The following ERGIC1 variants were observed in gnomAD, a reference collection of about 807,000 sequenced individuals.
The protein encoded by ERGIC1 is endoplasmic reticulum-Golgi intermediate compartment protein 1.
In ERGIC1, 19 loss-of-function variants were observed where a neutral mutation model predicts 38.3. The ratio of observed to expected loss-of-function variants is 0.50; its 90% confidence interval spans 0.35 to 0.73. ERGIC1 has a LOEUF of 0.73. Among genes scored for constraint, ERGIC1 ranks in the 30% least tolerant of loss-of-function variants. The probability of loss-of-function intolerance (pLI) is 0.01; values close to 1 mark genes in which losing one functional copy is unlikely to be tolerated. For synonymous variants in ERGIC1, 124 were observed against 157.6 expected (o/e 0.79, Z 1.60); for missense variants, 294 against 389.2 (o/e 0.76, Z 2.06).
chr5:172,910,430 G>A (rs1184166750), intron 4 of ERGIC1, among the ~76,000 whole-genome samples: 4 of 152,160 alleles, frequency 2.6e-5, no homozygotes, highest in African/African-American at 9.7e-5. Flanking sequence ...TGCAGGACAG[G>A]GCTCAAGAGC....
chr5:172,862,515 C>G (rs1379145982), intron 1 of ERGIC1, among the ~76,000 whole-genome samples: 1 of 152,102 alleles, frequency 6.6e-6, no homozygotes, highest in Non-Finnish European at 1.5e-5. Flanking sequence ...TGTAAGATCC[C>G]TTTTCCTTGA....
intron 1 of ERGIC1, among the ~76,000 whole-genome samples, chr5:172,873,096 C>T (rs908265846): frequency 1.3e-5 from 2 of 152,264 alleles, no homozygotes; most frequent in Admixed American, 1.3e-4. Context: ...GCTCCTGCCG[C>T]TCAGCGTTTA....
chr5:172,835,935 G>C (rs1438529051), intron 1 of ERGIC1, among the ~76,000 whole-genome samples: 1 of 152,154 alleles, frequency 6.6e-6, no homozygotes, highest in South Asian at 2.1e-4. Flanking sequence ...AGCTGTGGTC[G>C]GCACATCAAT....
At chr5:172,860,153 AG>A (rs11355370) in intron 1 of ERGIC1, among the ~76,000 whole-genome samples, 91,957 of 152,046 alleles carry the variant, frequency 0.6, 28,789 homozygotes, top group South Asian at 0.72. Context: ...GAGGTGAACA[AG>A]ACATGTCTCC....
intron 1 of ERGIC1, among the ~76,000 whole-genome samples, chr5:172,882,597 A>G (rs1282934704): frequency 6.6e-6 from 1 of 152,202 alleles, no homozygotes; most frequent in African/African-American, 2.4e-5. Context: ...AAAATGAGAT[A>G]TCAGTATTTT....
At chr5:172,944,287 C>T (rs891388656) in intron 9 of ERGIC1, among the ~76,000 whole-genome samples, 27 of 152,066 alleles carry the variant, frequency 1.8e-4, no homozygotes, top group Non-Finnish European at 3.1e-4. Context: ...GATACAAGAG[C>T]GTGGCAGTGG....
chr5:172,847,592 C>T (rs901277741), intron 1 of ERGIC1, among the ~76,000 whole-genome samples: 1 of 152,176 alleles, frequency 6.6e-6, no homozygotes, highest in Non-Finnish European at 1.5e-5. Flanking sequence ...CGGCTCACTG[C>T]AACCTCTGCC....
At chr5:172,853,309 G>A (rs1406844204) in intron 1 of ERGIC1, among the ~76,000 whole-genome samples, 3 of 152,164 alleles carry the variant, frequency 2.0e-5, no homozygotes, top group East Asian at 1.9e-4. Flanking sequence ...GGCCCCCATC[G>A]TGCTGGGTGC....
intron 1 of ERGIC1, among the ~76,000 whole-genome samples, chr5:172,841,643 C>A (rs1761164136): frequency 6.6e-6 from 1 of 152,242 alleles, no homozygotes. Context: ...ATAGCCCCTC[C>A]ATGCATTAGC....
intron 7 of ERGIC1, among the ~76,000 whole-genome samples, chr5:172,930,783 T>C (rs769824914): frequency 1.3e-5 from 2 of 152,208 alleles, no homozygotes; most frequent in Non-Finnish European, 2.9e-5. Context: ...GTTTTAAAAA[T>C]GCAAATTCTG....
intron 3 of ERGIC1, among the ~76,000 whole-genome samples, chr5:172,897,443 A>AAAAAAAAAAAAGAG (rs780361647): frequency 7.0e-6 from 1 of 142,414 alleles, no homozygotes; most frequent in Non-Finnish European, 1.5e-5. Flanking sequence ...AAAAAAAAAA[A>AAAAAAAAAAAAGAG]AGAGAGAGAG....
At position 172,837,457 on chromosome 5, in the gene ERGIC1, A is replaced by G. The variant is rs1447293620; in HGVS notation, c.20+3024A>G. Among the ~76,000 whole-genome samples the G allele has an allele frequency of 2.0e-5, 3 of 152,190 alleles. No homozygotes were observed. The highest frequency in any genetic ancestry group is 1.3e-4 in the Admixed American group (2 of 15,282). On this transcript the variant is annotated intron_variant, in intron 1 of 9. Coordinates refer to ENST00000393784, the MANE Select transcript of ERGIC1 (RefSeq NM_001031711.3). This position sits in a 1 kb window ranked among gnomAD's most constrained non-coding sequence, Gnocchi z 4.3. The stretch of plus-strand genomic sequence containing the variant: ...ATCATGCTGCTTCTCTCTCCCTCCC[A>G]TTAGTACATGAGCTCCTGAGGGCAA...
Position 172,834,586 on chromosome 5 carries a change from C to CCG in ERGIC1, c.20+154_20+155insGC, listed in dbSNP as rs777592794. On this transcript the variant is annotated intron_variant, in intron 1 of 9. Transcript: ENST00000393784. This position sits in a 1 kb window ranked among gnomAD's most constrained non-coding sequence, Gnocchi z 4.1. ...CCCTAGGGACCCCAGGCGAGCCCCCCCCCTGCCGCACACGAAGCCAGCCAG... is the reference window on the plus strand; with the variant it reads ...CCCTAGGGACCCCAGGCGAGCCCCCCCGCCCTGCCGCACACGAAGCCAGCCAG... Among the ~76,000 whole-genome samples, 190 of 133,190 alleles carry CCG rather than the reference C, an allele frequency of 1.4e-3. 3 individuals are homozygous for CCG. The highest frequency in any genetic ancestry group is 2.4e-3 in the Non-Finnish European group (148 of 60,866). 87.4% of individuals were successfully genotyped at this position (133,190 alleles called of 152,430 possible). A position where few individuals can be genotyped will look rare whatever the true frequency, so the allele number is the denominator to read the frequency against.
chr5:172,915,015 G>T (rs1202764081), intron 5 of ERGIC1, 177 bp downstream of exon 5: 5 of 990,272 alleles, frequency 5.0e-6, no homozygotes, highest in Non-Finnish European at 7.9e-6. Context: ...TGGGGGTCCA[G>T]GCTCCCTGGG....
In ERGIC1 at chr5:172,846,707, G is replaced by C. The variant is rs1761289281; in HGVS notation, c.20+12274G>C. On this transcript the variant is annotated intron_variant, in intron 1 of 9. Coordinates refer to ENST00000393784, the MANE Select transcript of ERGIC1 (RefSeq NM_001031711.3). This position sits in a 1 kb window ranked among gnomAD's most constrained non-coding sequence, Gnocchi z 4.0. ...GGCGCAGGAAAGTGTTTTAAGAGGT[G>C]AGCATGAGACTTGACCCAGAGTCTT... Among the ~76,000 whole-genome samples, 2 of 152,316 alleles carry C rather than the reference G, an allele frequency of 1.3e-5. No homozygotes were observed. The highest frequency in any genetic ancestry group is 4.1e-4 in the South Asian group (2 of 4,824).
At chr5:172,914,650 A>C (rs1456884598) in intron 4 of ERGIC1, 64 bp from the exon 5 acceptor site, 2 of 1,613,070 alleles carry the variant, frequency 1.2e-6, no homozygotes, top group Non-Finnish European at 1.7e-6. Context: ...CAGAGAGAAC[A>C]GGCTGGCCCC....
chr5:172,834,541 CTG>C lies in ERGIC1; in HGVS notation c.20+111_20+112del, dbSNP rs1390533581. 2 of 1,100,678 alleles carry C rather than the reference CTG, an allele frequency of 1.8e-6. No individual in the cohort carries two copies. The highest frequency in any genetic ancestry group is 6.8e-5 in the East Asian group (2 of 29,406). 68.2% of individuals were successfully genotyped at this position (1,100,678 alleles called of 1,614,324 possible). On this transcript the variant is annotated intron_variant, in intron 1 of 9. Coordinates refer to ENST00000393784, the MANE Select transcript of ERGIC1 (RefSeq NM_001031711.3). The surrounding 1 kb of genome is among the most constrained non-coding windows in gnomAD (Gnocchi z 4.1). ...CTGCATGCAAAAGCGGCTCCCCGCCCTGTGCATGCCTCCGCAGGCCCCTAGGG... is the reference window on the plus strand; with the variant it reads ...CTGCATGCAAAAGCGGCTCCCCGCCCTGCATGCCTCCGCAGGCCCCTAGGG...
At chr5:172,877,456 ATATT>A (rs1346838365) in intron 1 of ERGIC1, among the ~76,000 whole-genome samples, 101 of 79,764 alleles carry the variant, frequency 1.3e-3, no homozygotes, top group African/African-American at 3.4e-3. Context: ...ATATATATAT[ATATT>A]TTTTTTTTTT....
At chr5:172,845,399 G>A (rs1347317464) in intron 1 of ERGIC1, among the ~76,000 whole-genome samples, 1 of 152,200 alleles carries the variant, frequency 6.6e-6, no homozygotes, top group Non-Finnish European at 1.5e-5. Flanking sequence ...CACTTCCTGT[G>A]GGCAGCGGGC....
Sources: gnomAD v4.1 joint callset for allele counts (sites outside exome capture counted in the v4.1 genomes callset) on GRCh38, gnomAD v4.1.1 for gene constraint, Gnocchi (gnomAD v3.1) non-coding constraint, MANE v1.5 for transcripts, NCBI Gene and HGNC (gene_info 2026-07-23, HGNC 2026-07-21) for gene names.